Variants in SCRG1 observed in about 807,000 individuals in gnomAD.
SCRG1 encodes scrapie-responsive protein 1.
In SCRG1, 3 loss-of-function variants were observed where a neutral mutation model predicts 7.7. The ratio of observed to expected loss-of-function variants is 0.39; its 90% CI spans 0.18 to 1.01. The LOEUF is 1.01. SCRG1 is among the 50% of genes least tolerant of loss of function. SCRG1 has a pLI of 0.36. For synonymous variants in SCRG1, 46 were observed against 41.2 expected, an observed-to-expected ratio of 1.12 and a Z score of -0.44; for missense variants, 110 against 117.2, an observed-to-expected ratio of 0.94 and a Z score of 0.28.
chr4:173,405,130 T>C (rs1739867686), intron 1 of SCRG1, among the ~76,000 whole-genome samples: 1 of 152,220 alleles, frequency 6.6e-6, no homozygotes, highest in Admixed American at 6.5e-5. Flanking sequence ...CATTTAGTTG[T>C]AGTGTCTCTT....
chr4:173,419,334 G>T, the SCRG1 span: 1 of 855,794 alleles, frequency 1.2e-6, no homozygotes, highest in Non-Finnish European at 1.8e-6. Context: ...GATATTTTGG[G>T]ACAGTTCTAC....
chr4:173,483,637 A>C, the SCRG1 span, among the ~76,000 whole-genome samples: 6 of 33,576 alleles, frequency 1.8e-4, no homozygotes, highest in African/African-American at 4.4e-4. Context: ...TGTGATATAT[A>C]ATATATATGA....
chr4:173,483,368 A>AAT, the SCRG1 span, among the ~76,000 whole-genome samples: 4 of 4,964 alleles, frequency 8.1e-4, 1 homozygote, highest in Non-Finnish European at 1.8e-3. Context: ...TATTATATGT[A>AAT]ATATTATATT....
At chr4:173,445,582 G>GAAA in the SCRG1 span, among the ~76,000 whole-genome samples, 3 of 78,582 alleles carry the variant, frequency 3.8e-5, no homozygotes, top group Non-Finnish European at 7.2e-5. Flanking sequence ...ACTCCGTCTC[G>GAAA]GAAAAAAAAA....
chr4:173,473,087 A>T, the SCRG1 span, among the ~76,000 whole-genome samples: 1 of 152,198 alleles, frequency 6.6e-6, no homozygotes, highest in Non-Finnish European at 1.5e-5. Context: ...AAACTATCCT[A>T]AAAAAGTAGC....
At chr4:173,458,497 T>A in the SCRG1 span, among the ~76,000 whole-genome samples, 4 of 152,218 alleles carry the variant, frequency 2.6e-5, no homozygotes, top group Non-Finnish European at 4.4e-5. Flanking sequence ...ACCACTAGAC[T>A]GGCCTTACAG....
the SCRG1 span, among the ~76,000 whole-genome samples, chr4:173,437,353 ATT>A: frequency 6.6e-6 from 1 of 152,246 alleles, no homozygotes; most frequent in Non-Finnish European, 1.5e-5. Context: ...TGAATAGCAT[ATT>A]TAATAAAGCA....
chr4:173,483,584 G>GTGATATATAATATATATT, the SCRG1 span, among the ~76,000 whole-genome samples: 42 of 12,640 alleles, frequency 3.3e-3, 8 homozygotes, highest in South Asian at 0.025. Context: ...TAATATATAT[G>GTGATATATAATATATATT]ATATATTATA....
chr4:173,454,549 G>A, the SCRG1 span, among the ~76,000 whole-genome samples: 1 of 152,186 alleles, frequency 6.6e-6, no homozygotes, highest in African/African-American at 2.4e-5. Flanking sequence ...AATTTTGTAT[G>A]TTTGAGGATT....
chr4:173,434,068 C>T, the SCRG1 span, among the ~76,000 whole-genome samples: 12 of 152,156 alleles, frequency 7.9e-5, no homozygotes, highest in Admixed American at 2.6e-4. Context: ...TCCATTTTCT[C>T]GACCGGACCT....
chr4:173,446,074 A>AT, the SCRG1 span, among the ~76,000 whole-genome samples: 7,416 of 152,028 alleles, frequency 0.049, 243 homozygotes, highest in Non-Finnish European at 0.074. Flanking sequence ...TTATTTGTTC[A>AT]TTTTTTTAAA....
chr4:173,471,571 C>T, the SCRG1 span, among the ~76,000 whole-genome samples: 1 of 151,944 alleles, frequency 6.6e-6, no homozygotes, highest in Non-Finnish European at 1.5e-5. Context: ...AAAAAATGGC[C>T]ATTTCAGAGT....
chr4:173,450,573 G>T, the SCRG1 span, among the ~76,000 whole-genome samples: 2 of 152,098 alleles, frequency 1.3e-5, no homozygotes, highest in Admixed American at 1.3e-4. Flanking sequence ...TGCCTCTTTG[G>T]CTTTTACCTG....
At chr4:173,414,093 C>T in the SCRG1 span, among the ~76,000 whole-genome samples, 5 of 152,070 alleles carry the variant, frequency 3.3e-5, no homozygotes, top group South Asian at 2.1e-4. Flanking sequence ...TTGGTTAGCA[C>T]GGGTCAGTTT....
chr4:173,414,094 G>A, the SCRG1 span, among the ~76,000 whole-genome samples: 8 of 152,104 alleles, frequency 5.3e-5, no homozygotes, highest in African/African-American at 1.9e-4. Context: ...TGGTTAGCAC[G>A]GGTCAGTTTC....
the SCRG1 span, among the ~76,000 whole-genome samples, chr4:173,514,503 A>G: frequency 6.6e-6 from 1 of 152,172 alleles, no homozygotes; most frequent in Non-Finnish European, 1.5e-5. Context: ...GGCTTTACCT[A>G]GGTGTAAAAG....
At chr4:173,512,268 C>T in the SCRG1 span, among the ~76,000 whole-genome samples, 1 of 152,194 alleles carries the variant, frequency 6.6e-6, no homozygotes, top group Non-Finnish European at 1.5e-5. Flanking sequence ...ATGGCTTAAC[C>T]TCAGCAACTA....
chr4:173,485,664 T>C, the SCRG1 span, among the ~76,000 whole-genome samples: 22 of 152,172 alleles, frequency 1.4e-4, 1 homozygote, highest in Middle Eastern at 0.02. Context: ...ACTACTGAAG[T>C]TGAATTAGAT....
the SCRG1 span, among the ~76,000 whole-genome samples, chr4:173,452,153 T>C: frequency 6.7e-6 from 1 of 149,986 alleles, no homozygotes; most frequent in Non-Finnish European, 1.5e-5. Flanking sequence ...GGAGAATTGA[T>C]TGAACCCAGG....
Sources: gnomAD v4.1 joint callset for allele counts (sites outside exome capture counted in the v4.1 genomes callset) on GRCh38, gnomAD v4.1.1 for gene constraint, MANE v1.5 for transcripts, NCBI Gene and HGNC (gene_info 2026-07-23, HGNC 2026-07-21) for gene names.